ATXN7: variants seen among roughly 807,000 people sequenced by gnomAD.
ATXN7 encodes ataxin 7.
ATXN7 carries 12 observed loss-of-function variants against 70.5 expected under a neutral mutation model. That is an observed-to-expected ratio of 0.17 (90% CI 0.11 to 0.28). The LOEUF is 0.28. ATXN7 is among the 10% of genes least tolerant of loss of function. ATXN7 has a pLI of 1.00. For synonymous variants in ATXN7, 498 were observed against 448.7 expected, an observed-to-expected ratio of 1.11 and a Z score of -1.39; for missense variants, 1,256 against 1,131.7, an observed-to-expected ratio of 1.11 and a Z score of -1.58.
At chr3:63,963,451 T>C (rs913138683) in intron 5 of ATXN7, among the ~76,000 whole-genome samples, 1 of 152,210 alleles carries the variant, frequency 6.6e-6, no homozygotes, top group African/African-American at 2.4e-5. Context: ...ACTGTAGCAG[T>C]CCATGCTACG....
intron 1 of ATXN7, chr3:63,864,780 A>G (rs1051765275): frequency 6.6e-6 from 1 of 152,326 alleles, no homozygotes; most frequent in African/African-American, 2.4e-5. Context: ...GGGGTGCTCA[A>G]TGAGAAACGT....
At chr3:63,911,146 G>A (rs984586105) in intron 2 of ATXN7, among the ~76,000 whole-genome samples, 6 of 152,118 alleles carry the variant, frequency 3.9e-5, no homozygotes, top group Non-Finnish European at 4.4e-5. Context: ...TGAAACATGC[G>A]TGAAACATGC....
intron 5 of ATXN7, among the ~76,000 whole-genome samples, chr3:63,977,533 AC>A (rs2075408209): frequency 6.6e-6 from 1 of 152,150 alleles, no homozygotes; most frequent in Non-Finnish European, 1.5e-5. Flanking sequence ...GTAGATAAAC[AC>A]GGATGAATAT....
chr3:63,892,126 G>T (rs562197956), intron 1 of ATXN7, among the ~76,000 whole-genome samples: 68 of 152,234 alleles, frequency 4.5e-4, no homozygotes, highest in Non-Finnish European at 7.1e-4. Flanking sequence ...TGTTCTTATT[G>T]GTAGTGTTGA....
intron 2 of ATXN7, among the ~76,000 whole-genome samples, chr3:63,899,669 A>G (rs1033495310): frequency 6.6e-6 from 1 of 151,756 alleles, no homozygotes; most frequent in Admixed American, 6.6e-5. Context: ...GCTGGAGTGC[A>G]GTGGCGCCAT....
chr3:63,873,064 A>G (rs1404872103), intron 1 of ATXN7, among the ~76,000 whole-genome samples: 3 of 152,148 alleles, frequency 2.0e-5, no homozygotes, highest in African/African-American at 7.2e-5. Flanking sequence ...CTCAAAATCC[A>G]TTATCTTAAA....
intron 2 of ATXN7, among the ~76,000 whole-genome samples, chr3:63,900,050 C>T (rs1417340745): frequency 1.3e-5 from 2 of 152,170 alleles, no homozygotes; most frequent in African/African-American, 4.8e-5. Flanking sequence ...TGCTGCTGCA[C>T]ACCAGCCCCA....
chr3:63,946,150 C>G lies in ATXN7; in HGVS notation c.395-6229C>G, dbSNP rs568222411. 5.3e-5 allele frequency among the ~76,000 whole-genome samples: 8 copies of G among 152,298 alleles called. No homozygotes were observed. The South Asian group carries it at 1.7e-3, about 32-fold the overall frequency. On this transcript the variant is annotated intron_variant, in intron 4 of 12. Transcript: ENST00000674280. ...CAAAGAGTCTGCTGTCCAGACAGGA[C>G]TACTGAGGTTTCCATTTGTAAATTT...
At chr3:63,946,604 C>T (rs2074868099) in intron 4 of ATXN7, among the ~76,000 whole-genome samples, 1 of 149,520 alleles carries the variant, frequency 6.7e-6, no homozygotes, top group Admixed American at 6.7e-5. Context: ...GATTGTGCCA[C>T]TGCACTCCAG....
intron 9 of ATXN7, 59 bp from the exon 10 acceptor site, chr3:63,990,117 T>G (rs2075644865): frequency 6.5e-7 from 1 of 1,544,856 alleles, no homozygotes; most frequent in African/African-American, 1.4e-5. Flanking sequence ...GTATCTCAGT[T>G]AAGGTGGCTG....
intron 1 of ATXN7, among the ~76,000 whole-genome samples, chr3:63,890,064 A>AT (rs1402650621): frequency 6.6e-6 from 1 of 152,222 alleles, no homozygotes; most frequent in East Asian, 1.9e-4. Context: ...CACTTTGCTA[A>AT]GTGTTTATGT....
rs1435661567 is a variant in ATXN7, at chr3:63,979,983, C to T, written c.568C>T (p.Pro190Ser). ...VPPTSVFSFF[P>S]SLSKSKGGSA... ...TCCCACTTCAGTATTTTCCTTCTTC[C>T]CTTCTCTGTCCAAAAGCAAAGGAGG... Residue 190 changes from proline to serine, a missense_variant, in exon 6 of 13, where the codon CCT (proline) becomes TCT (serine). Coordinates refer to ENST00000674280, the MANE Select transcript of ATXN7 (RefSeq NM_001377405.1). 1 of 1,614,168 alleles carries T rather than the reference C, an allele frequency of 6.2e-7. No homozygotes were observed. Among genetic ancestry groups the T allele is most frequent in the East Asian group, 2.2e-5 (1 of 44,880 alleles).
intron 6 of ATXN7, among the ~76,000 whole-genome samples, chr3:63,981,487 C>G (rs2075486555): frequency 6.6e-6 from 1 of 152,202 alleles, no homozygotes; most frequent in Non-Finnish European, 1.5e-5. Flanking sequence ...TGTTAGCTTC[C>G]TACCAGTATT....
intron 4 of ATXN7, among the ~76,000 whole-genome samples, chr3:63,914,118 C>T (rs1704166780): frequency 6.6e-6 from 1 of 152,240 alleles, no homozygotes; most frequent in African/African-American, 2.4e-5. Flanking sequence ...TTATAGTCCC[C>T]GAATGCAATT....
intron 4 of ATXN7, among the ~76,000 whole-genome samples, chr3:63,938,463 C>A (rs148282301): frequency 3.9e-5 from 6 of 152,112 alleles, no homozygotes; most frequent in African/African-American, 1.4e-4. Context: ...TCCCCTTTCC[C>A]CTCTTCAGTG....
intron 1 of ATXN7, among the ~76,000 whole-genome samples, chr3:63,868,972 C>T (rs1392145214): frequency 6.6e-6 from 1 of 152,190 alleles, no homozygotes; most frequent in Admixed American, 6.5e-5. Flanking sequence ...AAGGGTCTGG[C>T]AGGACTGAAT....
chr3:63,995,679 A>G lies in ATXN7; in HGVS notation c.1857A>G (p.Pro619=). 6.2e-7 allele frequency: 1 copy of G among 1,614,186 alleles called. No homozygotes were observed. The highest frequency in any genetic ancestry group is 8.5e-7 in the Non-Finnish European group (1 of 1,180,052). The change falls in exon 12 of 13, where the codon CCA becomes CCG. Residue 619 remains proline, a synonymous_variant. Coordinates refer to ENST00000674280, the MANE Select transcript of ATXN7 (RefSeq NM_001377405.1). Reference sequence around the variant, plus strand: ...TCTCCCCAAATAGCAAATCGGTACCAGCTCATGGAACCACACTAAATGCAC... The same window carrying G: ...TCTCCCCAAATAGCAAATCGGTACCGGCTCATGGAACCACACTAAATGCAC... ...TCISPNSKSV[P]AHGTTLNAQP...
intron 8 of ATXN7, among the ~76,000 whole-genome samples, chr3:63,986,045 A>T (rs2075573645): frequency 6.6e-6 from 1 of 152,222 alleles, no homozygotes; most frequent in African/African-American, 2.4e-5. Context: ...CTTTCTTGCC[A>T]TAGGAACATT....
chr3:63,943,889 G>A (rs139703170), intron 4 of ATXN7, among the ~76,000 whole-genome samples: 1 of 152,268 alleles, frequency 6.6e-6, no homozygotes, highest in African/African-American at 2.4e-5. Flanking sequence ...TATTGCATCA[G>A]CCTTTGGGAG....
Sources: gnomAD v4.1 joint callset for allele counts (sites outside exome capture counted in the v4.1 genomes callset) on GRCh38, gnomAD v4.1.1 for gene constraint, MANE v1.5 for transcripts, NCBI Gene and HGNC (gene_info 2026-07-23, HGNC 2026-07-21) for gene names.